Variants in CLNK observed in about 807,000 individuals in gnomAD.
CLNK encodes the protein cytokine dependent hematopoietic cell linker, also known as cytokine-dependent hematopoietic cell linker.
In CLNK, 74 loss-of-function variants were observed where a neutral mutation model predicts 68.6. That is an observed-to-expected ratio of 1.08 (90% CI 0.89 to 1.31). The LOEUF (loss-of-function observed/expected upper bound fraction) is 1.31, where lower values mean the gene tolerates loss of function less well. Among genes scored for constraint, CLNK ranks in the 50% most tolerant of loss-of-function variants. The pLI, the probability that CLNK is intolerant of heterozygous loss-of-function variation, is 0.00. For missense variants in CLNK, 553 were observed against 515.3 expected (o/e 1.07, Z -0.71); for synonymous variants, 198 against 172.2 (o/e 1.15, Z -1.17).
rs780849384 is a variant in CLNK, at chr4:10,490,587, G to A, written c.1167C>T (p.Ile389=). 5.1e-6 allele frequency: 8 copies of A among 1,578,576 alleles called. No homozygotes were observed. Among genetic ancestry groups the A allele is most frequent in the South Asian group, 1.2e-5 (1 of 86,366 alleles). ...DEKFDSVEDI[I]EHYKNFPIIL... ...TAATGGGAAAATTCTTGTAGTGTTC[G>A]ATGATGTCTTCTACTGAATCAAACT... is the stretch of plus-strand genomic sequence containing the variant. The change falls in exon 19 of 19, where the codon ATC becomes ATT. Residue 389 remains isoleucine, a synonymous_variant. Coordinates refer to ENST00000226951, the MANE Select transcript of CLNK (RefSeq NM_052964.4).
intron 2 of CLNK, among the ~76,000 whole-genome samples, chr4:10,637,676 G>A (rs947513643): frequency 2.2e-5 from 3 of 135,654 alleles, no homozygotes; most frequent in Admixed American, 1.7e-4. Context: ...CTCACTGCAA[G>A]CTCCGCCTCC....
intron 2 of CLNK, among the ~76,000 whole-genome samples, chr4:10,604,152 C>T (rs879533738): frequency 1.3e-5 from 2 of 152,016 alleles, no homozygotes; most frequent in Admixed American, 1.3e-4. Context: ...ATTGCATGTT[C>T]GTGATTATAT....
chr4:10,516,671 G>A (rs1344049251), intron 15 of CLNK, among the ~76,000 whole-genome samples: 1 of 151,758 alleles, frequency 6.6e-6, no homozygotes, highest in Non-Finnish European at 1.5e-5. Flanking sequence ...TCCTGCCTCA[G>A]CCTCCCGAGT....
chr4:10,545,228 G>C (rs140787452), intron 8 of CLNK, among the ~76,000 whole-genome samples: 3 of 152,084 alleles, frequency 2.0e-5, no homozygotes, highest in Non-Finnish European at 4.4e-5. Flanking sequence ...TCCTCTGTGA[G>C]CCTGTGAAAT....
intron 15 of CLNK, among the ~76,000 whole-genome samples, chr4:10,516,551 C>CTTTTT (rs11322271): frequency 7.6e-6 from 1 of 132,440 alleles, no homozygotes; most frequent in Non-Finnish European, 1.6e-5. Flanking sequence ...AGGATTGTAG[C>CTTTTT]TTTTTTTTTT....
chr4:10,674,153 A>C (rs916097746), intron 1 of CLNK, among the ~76,000 whole-genome samples: 1 of 152,098 alleles, frequency 6.6e-6, no homozygotes, highest in Non-Finnish European at 1.5e-5. Context: ...GGAAGCTCTG[A>C]AGGTATCAAG....
intron 18 of CLNK, among the ~76,000 whole-genome samples, chr4:10,498,002 C>G (rs1462543639): frequency 6.6e-6 from 1 of 151,994 alleles, no homozygotes; most frequent in African/African-American, 2.4e-5. Context: ...TCCAGACCAG[C>G]CTGACCAACA....
At chr4:10,584,009 CATTTGATACTAAAGACCCCAACACA>C (rs1271547375) in intron 4 of CLNK, among the ~76,000 whole-genome samples, 1 of 152,178 alleles carries the variant, frequency 6.6e-6, no homozygotes, top group Admixed American at 6.5e-5. Context: ...TGGAGAGGTG[CATTTGATACTAAAGACCCCAACACA>C]ATTTGGTATC....
At chr4:10,662,582 A>G (rs1379017538) in intron 2 of CLNK, among the ~76,000 whole-genome samples, 1 of 152,240 alleles carries the variant, frequency 6.6e-6, no homozygotes, top group African/African-American at 2.4e-5. Flanking sequence ...AGAAGGGGTG[A>G]GAAACCTTAT....
In CLNK at chr4:10,537,219, T is replaced by C. The variant is rs529543111; in HGVS notation, c.602+3275A>G. On this transcript the variant is annotated intron_variant, in intron 11 of 18. Transcript: ENST00000226951. ...CTGGCTGGGCACGGTGGCTCACGTCTGTAATCCCAGCACTTTGGGAGGCCA... is the reference window on the plus strand; with the variant it reads ...CTGGCTGGGCACGGTGGCTCACGTCCGTAATCCCAGCACTTTGGGAGGCCA... Among the ~76,000 whole-genome samples, 19 of 152,356 alleles carry C rather than the reference T, an allele frequency of 1.2e-4. No homozygotes were observed. The South Asian group carries it at 3.9e-3, about 32-fold the overall frequency.
At chr4:10,634,201 G>T (rs1042898377) in intron 2 of CLNK, among the ~76,000 whole-genome samples, 1 of 152,158 alleles carries the variant, frequency 6.6e-6, no homozygotes, top group Non-Finnish European at 1.5e-5. Context: ...AAGAGAAGGG[G>T]CACAGAGTAG....
At chr4:10,621,595 A>C (rs1479569549) in intron 2 of CLNK, among the ~76,000 whole-genome samples, 1 of 152,184 alleles carries the variant, frequency 6.6e-6, no homozygotes, top group East Asian at 1.9e-4. Flanking sequence ...CCCTTGAATT[A>C]ATTCTGTCCT....
At chr4:10,599,306 C>T (rs1440833902) in intron 2 of CLNK, among the ~76,000 whole-genome samples, 1 of 152,178 alleles carries the variant, frequency 6.6e-6, no homozygotes, top group Non-Finnish European at 1.5e-5. Context: ...CTCTCTTCAT[C>T]TGGGATTTGC....
chr4:10,645,978 A>G (rs1723495901), intron 2 of CLNK, among the ~76,000 whole-genome samples: 1 of 152,240 alleles, frequency 6.6e-6, no homozygotes. Flanking sequence ...GGCAGCTACA[A>G]AAACATATGA....
intron 2 of CLNK, among the ~76,000 whole-genome samples, chr4:10,639,957 A>G (rs1414730848): frequency 1.3e-5 from 2 of 152,214 alleles, no homozygotes; most frequent in African/African-American, 4.8e-5. Flanking sequence ...GAGGTGCCTA[A>G]TTTCTAATGT....
At chr4:10,642,757 T>A (rs189523591) in intron 2 of CLNK, among the ~76,000 whole-genome samples, 1 of 152,352 alleles carries the variant, frequency 6.6e-6, no homozygotes, top group Non-Finnish European at 1.5e-5. Context: ...GGGAAAGTCA[T>A]CTAACTTCTT....
chr4:10,585,388 C>G (rs1057375899), intron 3 of CLNK, among the ~76,000 whole-genome samples: 1 of 152,204 alleles, frequency 6.6e-6, no homozygotes, highest in East Asian at 1.9e-4. Context: ...TGGCAATCAC[C>G]GAGTTTTGGC....
chr4:10,679,472 T>G (rs1387627382), intron 1 of CLNK, among the ~76,000 whole-genome samples: 1 of 152,176 alleles, frequency 6.6e-6, no homozygotes, highest in East Asian at 1.9e-4. Flanking sequence ...ACTTCATGTC[T>G]AAAACATCAA....
At chr4:10,597,361 C>A (rs912097317) in intron 3 of CLNK, among the ~76,000 whole-genome samples, 45 of 152,118 alleles carry the variant, frequency 3.0e-4, no homozygotes, top group African/African-American at 1.1e-3. Context: ...CAGTGTAGAG[C>A]TGGATTTGAC....
Sources: gnomAD v4.1 joint callset for allele counts (sites outside exome capture counted in the v4.1 genomes callset) on GRCh38, gnomAD v4.1.1 for gene constraint, MANE v1.5 for transcripts, NCBI Gene and HGNC (gene_info 2026-07-23, HGNC 2026-07-21) for gene names.